MAB21L4: variants seen among roughly 807,000 people sequenced by gnomAD.
MAB21L4 encodes the protein protein mab-21-like 4.
In MAB21L4, 25 loss-of-function variants were observed where a neutral mutation model predicts 32.4. That is an observed-to-expected ratio of 0.77 (90% CI 0.56 to 1.08). The LOEUF (loss-of-function observed/expected upper bound fraction) is 1.08. MAB21L4 is among the 50% of genes least tolerant of loss of function. The pLI is 0.00. For missense variants in MAB21L4, 638 were observed against 611.0 expected (o/e 1.04, Z -0.47); for synonymous variants, 280 against 276.8 (o/e 1.01, Z -0.11).
At position 240,890,073 on chromosome 2, in the gene MAB21L4, C is replaced by A. The variant is rs757923540; in HGVS notation, c.826G>T (p.Asp276Tyr). Residue 276 changes from aspartate (D) to tyrosine (Y), a missense_variant, in exon 3 of 5, where the codon GAC (aspartate) becomes TAC (tyrosine). By Grantham distance (160) the Asp-to-Tyr change is radical (BLOSUM62 -3). Transcript: ENST00000388934. ...GHRLDSLSIL[D>Y]RVNHESWRDS... is the part of the protein sequence containing the mutation. ...CGCCAGCTCTCGTGGTTGACCCGGT[C>A]GAGGATGGAGAGGCTGTCCAGGCGA... The A allele has an allele frequency of 5.6e-6, 9 of 1,613,326 alleles. No homozygotes were observed. The East Asian group carries it at 2.0e-4, about 36-fold the overall frequency.
Position 240,887,181 on chromosome 2 carries a change from G to A in MAB21L4, c.1252-19C>T. ...CCTGGAACTACAGGCAGGGTTGCAG[G>A]GGAGAAGGGTTACAGGGACCCCTGG... On this transcript the variant is annotated intron_variant, in intron 4 of 4. Coordinates refer to ENST00000388934, the MANE Select transcript of MAB21L4 (RefSeq NM_001085437.3). 1 of 1,606,258 alleles carries A rather than the reference G, an allele frequency of 6.2e-7. No homozygotes were observed. The highest frequency in any genetic ancestry group is 8.5e-7 in the Non-Finnish European group (1 of 1,172,918).
intron 3 of MAB21L4, 99 bp downstream of exon 3, chr2:240,889,906 C>T: frequency 1.4e-6 from 2 of 1,379,916 alleles, no homozygotes; most frequent in East Asian, 4.9e-5. Flanking sequence ...GGACTCATAG[C>T]AGCTGCCTGC....
chr2:240,887,172 G>A lies in MAB21L4; in HGVS notation c.1252-10C>T. ...TGTTGAAGACCTGGAACTACAGGCA[G>A]GGTTGCAGGGGAGAAGGGTTACAGG... On this transcript the variant is annotated splice_polypyrimidine_tract_variant and intron_variant, in intron 4 of 4. Transcript: ENST00000388934. 3.7e-6 allele frequency: 6 copies of A among 1,610,834 alleles called. No homozygotes were observed. Among genetic ancestry groups the A allele is most frequent in the Admixed American group, 1.7e-5 (1 of 60,026 alleles).
At chr2:240,893,573 C>G (rs1329888551) in intron 1 of MAB21L4, among the ~76,000 whole-genome samples, 2 of 152,246 alleles carry the variant, frequency 1.3e-5, no homozygotes, top group African/African-American at 2.4e-5. Context: ...CTGGTCTCAC[C>G]GGTTCCCAGG....
At chr2:240,894,971 G>A (rs535000454) in intron 1 of MAB21L4, among the ~76,000 whole-genome samples, 17 of 152,282 alleles carry the variant, frequency 1.1e-4, no homozygotes, top group East Asian at 1.9e-4. Context: ...GCACTCACGC[G>A]CACGCAGGCA....
chr2:240,894,446 G>A (rs1485173395), intron 1 of MAB21L4, among the ~76,000 whole-genome samples: 1 of 152,054 alleles, frequency 6.6e-6, no homozygotes, highest in South Asian at 2.1e-4. Context: ...AGCGACCGTC[G>A]CCGTCCAGGC....
intron 1 of MAB21L4, among the ~76,000 whole-genome samples, chr2:240,893,147 C>A (rs12105664): frequency 1.3e-5 from 2 of 152,060 alleles, no homozygotes; most frequent in African/African-American, 2.4e-5. Context: ...GGCGTTTCCC[C>A]GAGGGAATCC....
At chr2:240,888,775 G>A (rs2059119712) in intron 3 of MAB21L4, 127 bp from the exon 4 acceptor site, 1 of 613,602 alleles carries the variant, frequency 1.6e-6, no homozygotes, top group South Asian at 2.8e-5. Context: ...CCTACCCTGT[G>A]CCCTCCCCTC....
At position 240,891,530 on chromosome 2, in the gene MAB21L4, G is replaced by C. The variant is rs770963138; in HGVS notation, c.740+8C>G. 9 of 1,599,876 alleles carry C rather than the reference G, an allele frequency of 5.6e-6. No individual in the cohort carries two copies. The Middle Eastern group carries it at 5.0e-4, about 88-fold the overall frequency. On this transcript the variant is annotated splice_region_variant and intron_variant, in intron 2 of 4. Transcript: ENST00000388934. ...CCAAGAACCTTGTGACCAGGAGGGT[G>C]CGCCTACCTCCAGAGCTGGGCGCTG...
In MAB21L4 at chr2:240,888,454, C is replaced by T; in HGVS notation, c.1089G>A (p.Glu363=). The change falls in exon 4 of 5, where the codon GAG becomes GAA. Residue 363 remains glutamate, a synonymous_variant. Coordinates refer to ENST00000388934, the MANE Select transcript of MAB21L4 (RefSeq NM_001085437.3). ...LDLGAIYQRV[E]GFASQPEAAL... ...CCGCCTCGGGCTGGCTGGCGAAGCC[C>T]TCCACGCGCTGGTAGATGGCACCAA... is the stretch of plus-strand genomic sequence containing the variant. 6.3e-7 allele frequency: 1 copy of T among 1,579,794 alleles called. No individual in the cohort carries two copies. The highest frequency in any genetic ancestry group is 8.6e-7 in the Non-Finnish European group (1 of 1,165,700).
rs1434203342 is a variant in MAB21L4 at position 240,895,536 on chromosome 2, G to T, written c.462C>A (p.Asp154Glu). 7.5e-6 allele frequency: 12 copies of T among 1,604,540 alleles called. No individual in the cohort carries two copies. The highest frequency in any genetic ancestry group is 9.4e-6 in the Non-Finnish European group (11 of 1,175,086). The change falls in exon 1 of 5, where the codon GAC becomes GAA. Residue 154 changes from aspartate (D) to glutamate (E), a missense_variant. Physicochemically the swap from Asp to Glu is conservative, Grantham distance 45. Transcript: ENST00000388934. ...VPSKVLCVLK[D>E]LLVAAIVHCK... is the part of the protein sequence containing the mutation. ...AGTGTACGATGGCTGCTACCAGCAG[G>T]TCCTTGAGGACACACAGGACCTTGC... is the stretch of plus-strand genomic sequence containing the variant.
At chr2:240,887,913 G>T (rs1454705908) in intron 4 of MAB21L4, among the ~76,000 whole-genome samples, 1 of 152,140 alleles carries the variant, frequency 6.6e-6, no homozygotes, top group African/African-American at 2.4e-5. Context: ...GAAAAAAATG[G>T]TCCCTCTGGG....
intron 2 of MAB21L4, 38 bp downstream of exon 2, chr2:240,891,500 C>T (rs1212429331): frequency 2.0e-6 from 3 of 1,534,106 alleles, no homozygotes; most frequent in Admixed American, 1.9e-5. Context: ...CTTCCTGCCC[C>T]CTCCCCAAGA....
Position 240,888,456 on chromosome 2 carries a change from C to T in MAB21L4, c.1087G>A (p.Glu363Lys). Residue 363 changes from glutamate (E) to lysine (K), a missense_variant, in exon 4 of 5, where the codon GAG (glutamate) becomes AAG (lysine). Physicochemically the swap from Glu to Lys is moderately conservative, Grantham distance 56. Coordinates refer to ENST00000388934, the MANE Select transcript of MAB21L4 (RefSeq NM_001085437.3). ...LDLGAIYQRV[E>K]GFASQPEAAL... ...GCCTCGGGCTGGCTGGCGAAGCCCT[C>T]CACGCGCTGGTAGATGGCACCAAGG... is the stretch of plus-strand genomic sequence containing the variant. The T allele has an allele frequency of 6.3e-7, 1 of 1,581,280 alleles. No homozygotes were observed. The highest frequency in any genetic ancestry group is 1.4e-5 in the African/African-American group (1 of 73,924).
At chr2:240,890,803 C>T (rs1022036392) in intron 2 of MAB21L4, among the ~76,000 whole-genome samples, 4 of 152,258 alleles carry the variant, frequency 2.6e-5, no homozygotes, top group African/African-American at 9.6e-5. Context: ...CCCAGCCCTT[C>T]CCCTTCCTTG....
chr2:240,887,287 C>T (rs377760025), intron 4 of MAB21L4, 125 bp from the exon 5 acceptor site: 38 of 743,972 alleles, frequency 5.1e-5, no homozygotes, highest in Middle Eastern at 5.8e-4. Context: ...CTTCCTGCCC[C>T]GGGTATCTGC....
rs932482279 is a variant in MAB21L4 at position 240,889,939 on chromosome 2, C to T, written c.894+66G>A. The T allele has an allele frequency of 4.3e-5, 65 of 1,524,996 alleles. No individual in the cohort carries two copies. In the Admixed American group the frequency reaches 1.1e-3, roughly 27 times the overall value. The allele number at this position is 1,524,996 out of a possible 1,614,324, so 94.5% of individuals were successfully genotyped here. A position where few individuals can be genotyped will look rare whatever the true frequency, so the allele number is the denominator to read the frequency against. On this transcript the variant is annotated intron_variant, in intron 3 of 4. Coordinates refer to ENST00000388934, the MANE Select transcript of MAB21L4 (RefSeq NM_001085437.3). The stretch of plus-strand genomic sequence containing the variant: ...TGCCAGTCAGGGCTGGCAGGAGGGA[C>T]ACGCCTGGGTGCACCTACCCCTGGG...
intron 3 of MAB21L4, among the ~76,000 whole-genome samples, chr2:240,889,384 T>C (rs769780216): frequency 6.6e-6 from 1 of 152,030 alleles, no homozygotes; most frequent in Non-Finnish European, 1.5e-5. Context: ...CAGCCCCATC[T>C]GTGGAGCAGC....
chr2:240,892,279 A>T (rs917182774), intron 1 of MAB21L4, among the ~76,000 whole-genome samples: 1 of 151,444 alleles, frequency 6.6e-6, no homozygotes, highest in Non-Finnish European at 1.5e-5. Context: ...CAGGGCTCCC[A>T]CTCCAGAGCT....
Sources: allele counts gnomAD v4.1 joint callset (sites outside exome capture counted in the v4.1 genomes callset), GRCh38; gene constraint gnomAD v4.1.1; transcripts MANE v1.5; gene names NCBI Gene and HGNC (gene_info 2026-07-23, HGNC 2026-07-21).